TMEFF2: variants seen among roughly 807,000 people sequenced by gnomAD.
TMEFF2 encodes transmembrane protein with EGF like and two follistatin like domains 2, also known as tomoregulin-2.
Under a neutral mutation model 53.8 loss-of-function variants are expected in TMEFF2, and 28 were observed. The observed-to-expected ratio is 0.52, with a 90% CI of 0.39 to 0.71. The LOEUF is 0.71. TMEFF2 is among the 30% of genes least tolerant of loss of function. The pLI is 0.00. For missense variants in TMEFF2, 353 were observed against 455.2 expected (o/e 0.78, Z 2.04); for synonymous variants, 162 against 166.3 (o/e 0.97, Z 0.20).
intron 4 of TMEFF2, among the ~76,000 whole-genome samples, chr2:192,110,001 TGAAAA>T (rs1689238403): frequency 6.6e-6 from 1 of 151,556 alleles, no homozygotes; most frequent in African/African-American, 2.4e-5. Context: ...GGAAAGGAGA[TGAAAA>T]GAAAGAAGAA....
intron 4 of TMEFF2, among the ~76,000 whole-genome samples, chr2:192,070,887 G>A (rs1234241068): frequency 1.3e-5 from 2 of 151,832 alleles, no homozygotes; most frequent in African/African-American, 2.4e-5. Flanking sequence ...CCAGGCATAA[G>A]GCAAGTTTGC....
At chr2:191,964,998 A>G (rs946556835) in intron 7 of TMEFF2, among the ~76,000 whole-genome samples, 2 of 151,992 alleles carry the variant, frequency 1.3e-5, no homozygotes, top group Admixed American at 1.3e-4. Context: ...TGATTCCTTA[A>G]ATGTTGATAC....
intron 4 of TMEFF2, among the ~76,000 whole-genome samples, chr2:192,085,953 C>T (rs1017401542): frequency 6.6e-6 from 1 of 152,140 alleles, no homozygotes; most frequent in Non-Finnish European, 1.5e-5. Flanking sequence ...CTTCGAAATG[C>T]TGCTATGATC....
At chr2:192,071,095 G>A (rs1327518167) in intron 4 of TMEFF2, among the ~76,000 whole-genome samples, 1 of 151,898 alleles carries the variant, frequency 6.6e-6, no homozygotes, top group Non-Finnish European at 1.5e-5. Flanking sequence ...CTGTGCAGCA[G>A]AGAGATAGTA....
chr2:191,964,433 T>C (rs1692411717), intron 7 of TMEFF2, among the ~76,000 whole-genome samples: 1 of 141,382 alleles, frequency 7.1e-6, no homozygotes, highest in Non-Finnish European at 1.5e-5. Context: ...TCTTTCTTTC[T>C]TTCTGCCTTT....
intron 5 of TMEFF2, among the ~76,000 whole-genome samples, chr2:192,049,518 C>T (rs888036412): frequency 4.6e-5 from 7 of 152,028 alleles, no homozygotes; most frequent in African/African-American, 1.2e-4. Context: ...ACTGGGACAT[C>T]GGAACATGGA....
At chr2:192,039,007 C>CA (rs1687405407) in intron 5 of TMEFF2, among the ~76,000 whole-genome samples, 1 of 152,070 alleles carries the variant, frequency 6.6e-6, no homozygotes, top group African/African-American at 2.4e-5. Flanking sequence ...TACTTTATTG[C>CA]CATGTGGTTT....
chr2:192,096,520 ATAT>A (rs1407002305), intron 4 of TMEFF2, among the ~76,000 whole-genome samples: 1 of 152,012 alleles, frequency 6.6e-6, no homozygotes, highest in Non-Finnish European at 1.5e-5. Context: ...ATTATTCTGA[ATAT>A]TATTTTAAAA....
chr2:191,989,923 T>A (rs1466485283), intron 7 of TMEFF2, among the ~76,000 whole-genome samples: 2 of 152,130 alleles, frequency 1.3e-5, no homozygotes, highest in Non-Finnish European at 2.9e-5. Context: ...ACACTAGATT[T>A]TTCTGAGAAT....
Position 191,949,793 on chromosome 2 carries a change from A to T in TMEFF2, c.*518T>A. 1.0e-6 allele frequency: 1 copy of T among 985,274 alleles called. No individual in the cohort carries two copies. The allele number at this position is 985,274 out of a possible 1,614,324, so 61.0% of individuals were successfully genotyped here. The stretch of plus-strand genomic sequence containing the variant: ...GAAATAGAGATGATTCAAAGATCGG[A>T]AATATTTTATCCTCACTCGATATAA... On this transcript the variant is annotated 3_prime_UTR_variant, in exon 10 of 10. Coordinates refer to ENST00000272771, the MANE Select transcript of TMEFF2 (RefSeq NM_016192.4).
chr2:191,964,325 T>TCTTTCC (rs1559063257), intron 7 of TMEFF2, among the ~76,000 whole-genome samples: 26 of 126,954 alleles, frequency 2.0e-4, no homozygotes, highest in African/African-American at 8.7e-4. Context: ...CCTTCCTTCC[T>TCTTTCC]TTCTTTCCTT....
Position 191,950,244 on chromosome 2 carries a change from T to C in TMEFF2, c.*67A>G. ...TGTGTAGATCTCTTGTCTTATTCTT[T>C]TGTCTATAATACTGTATTGTGTAGT... On this transcript the variant is annotated 3_prime_UTR_variant, in exon 10 of 10. Transcript: ENST00000272771. 6.6e-7 allele frequency: 1 copy of C among 1,513,732 alleles called. No homozygotes were observed. The highest frequency in any genetic ancestry group is 8.8e-7 in the Non-Finnish European group (1 of 1,130,678). 93.8% of individuals were successfully genotyped at this position (1,513,732 alleles called of 1,614,324 possible). A position where few individuals can be genotyped will look rare whatever the true frequency, so the allele number is the denominator to read the frequency against.
chr2:192,174,226 G>T (rs1416022132), intron 4 of TMEFF2, among the ~76,000 whole-genome samples: 1 of 151,692 alleles, frequency 6.6e-6, no homozygotes, highest in African/African-American at 2.4e-5. Flanking sequence ...ACAAAAGTTT[G>T]TAGCATCTAT....
intron 4 of TMEFF2, among the ~76,000 whole-genome samples, chr2:192,063,719 T>C (rs968039975): frequency 2.6e-5 from 4 of 151,930 alleles, no homozygotes; most frequent in African/African-American, 9.7e-5. Context: ...TTTTGTCTCA[T>C]ACTTGGGAGC....
chr2:192,152,312 A>G (rs1195054489), intron 4 of TMEFF2, among the ~76,000 whole-genome samples: 1 of 151,892 alleles, frequency 6.6e-6, no homozygotes, highest in African/African-American at 2.4e-5. Flanking sequence ...CCCCATATCT[A>G]TATGGTTTTC....
intron 5 of TMEFF2, among the ~76,000 whole-genome samples, chr2:192,004,590 G>A (rs779426141): frequency 3.7e-4 from 56 of 151,896 alleles, no homozygotes; most frequent in Non-Finnish European, 6.0e-4. Context: ...AGAGCAACCT[G>A]GGCAAAATAG....
chr2:192,135,792 G>A (rs965240774), intron 4 of TMEFF2, among the ~76,000 whole-genome samples: 24 of 151,784 alleles, frequency 1.6e-4, no homozygotes, highest in African/African-American at 3.1e-4. Flanking sequence ...GCCCTGCCCC[G>A]CCTTAACTGA....
At chr2:191,999,264 T>C in intron 5 of TMEFF2, 56 bp from the exon 6 acceptor site, 5 of 1,392,274 alleles carry the variant, frequency 3.6e-6, no homozygotes, top group Non-Finnish European at 4.8e-6. Context: ...TACCACATTA[T>C]AAATAAAACA....
At chr2:192,123,461 T>G (rs559756364) in intron 4 of TMEFF2, among the ~76,000 whole-genome samples, 1 of 152,334 alleles carries the variant, frequency 6.6e-6, no homozygotes, top group South Asian at 2.1e-4. Flanking sequence ...ATTTGTAATG[T>G]GTACATAGAA....
Sources: allele counts gnomAD v4.1 joint callset (sites outside exome capture counted in the v4.1 genomes callset), GRCh38; gene constraint gnomAD v4.1.1; transcripts MANE v1.5; gene names NCBI Gene and HGNC (gene_info 2026-07-23, HGNC 2026-07-21).